Variants in COA8 observed in about 807,000 individuals in gnomAD.
COA8 encodes UPF0671 protein C14orf153.
A neutral mutation model predicts 22.0 loss-of-function variants in COA8; 20 were observed. The ratio of observed to expected loss-of-function variants is 0.91; its 90% confidence interval spans 0.64 to 1.32. The LOEUF (loss-of-function observed/expected upper bound fraction) is 1.32, where lower values mean the gene tolerates loss of function less well. Among genes scored for constraint, COA8 ranks in the 40% most tolerant of loss-of-function variants. The pLI, the probability that COA8 is intolerant of heterozygous loss-of-function variation, is 0.00. For missense variants in COA8, 266 were observed against 230.0 expected (o/e 1.16, Z -1.01); for synonymous variants, 105 against 79.9 (o/e 1.31, Z -1.68).
rs2076185305 is a variant in COA8 at position 103,571,630 on chromosome 14, G to T, written c.131G>T (p.Arg44Ile). 6.2e-7 allele frequency: 1 copy of T among 1,613,666 alleles called. No homozygotes were observed. The highest frequency in any genetic ancestry group is 8.5e-7 in the Non-Finnish European group (1 of 1,179,806). The change falls in exon 2 of 5, where the codon AGA (arginine) becomes ATA (isoleucine). Residue 44 changes from arginine (R) to isoleucine (I), a missense_variant. Arg to Ile is a moderately conservative substitution (Grantham distance 97, BLOSUM62 -3). Transcript: ENST00000409074. ...RRDTAPSGVS[R>I]FCPPRKSCHD... is the part of the protein sequence containing the mutation. ...CAATTTACTTTGTTAAAGGTCTCAA[G>T]ATTCTGCCCTCCAAGAAAGTCTTGC...
intron 1 of COA8, among the ~76,000 whole-genome samples, chr14:103,567,049 A>G (rs1158864660): frequency 3.9e-5 from 6 of 152,136 alleles, no homozygotes; most frequent in Admixed American, 2.0e-4. Context: ...CTGGGGCTAC[A>G]GGCATGTGCC....
chr14:103,576,625 C>T (rs2076232495), intron 3 of COA8, among the ~76,000 whole-genome samples: 1 of 152,200 alleles, frequency 6.6e-6, no homozygotes, highest in Non-Finnish European at 1.5e-5. Flanking sequence ...ATTTCTTCCT[C>T]ATGTTTAAAC....
intron 3 of COA8, among the ~76,000 whole-genome samples, chr14:103,585,707 C>T (rs1254736937): frequency 6.7e-6 from 1 of 148,926 alleles, no homozygotes; most frequent in African/African-American, 2.5e-5. Context: ...TCCCGAGTAA[C>T]TGGGACTACA....
At chr14:103,568,106 G>C (rs972920683) in intron 1 of COA8, among the ~76,000 whole-genome samples, 1 of 152,176 alleles carries the variant, frequency 6.6e-6, no homozygotes, top group Non-Finnish European at 1.5e-5. Context: ...AGAACTGAGA[G>C]TTAGAACAGG....
chr14:103,568,480 T>C (rs562899264), intron 1 of COA8, among the ~76,000 whole-genome samples: 3 of 151,814 alleles, frequency 2.0e-5, no homozygotes, highest in Non-Finnish European at 4.4e-5. Flanking sequence ...CACACACATA[T>C]ATACACACAT....
At chr14:103,589,603 AAAAAC>A (rs1187819559) in intron 4 of COA8, among the ~76,000 whole-genome samples, 3 of 151,762 alleles carry the variant, frequency 2.0e-5, no homozygotes, top group Admixed American at 1.3e-4. Flanking sequence ...AGCAAGATGA[AAAAAC>A]AAAACAAAAA....
chr14:103,566,454 A>G (rs2076135833), intron 1 of COA8, among the ~76,000 whole-genome samples: 1 of 152,190 alleles, frequency 6.6e-6, no homozygotes, highest in Non-Finnish European at 1.5e-5. Flanking sequence ...TTGCATATTG[A>G]TTTAAACAAG....
chr14:103,576,685 C>T (rs2076232824), intron 3 of COA8, among the ~76,000 whole-genome samples: 1 of 152,230 alleles, frequency 6.6e-6, no homozygotes, highest in African/African-American at 2.4e-5. Context: ...AACTGGCTTT[C>T]TCTGCCTCCT....
chr14:103,579,693 T>C (rs2076252960), intron 3 of COA8, among the ~76,000 whole-genome samples: 1 of 146,290 alleles, frequency 6.8e-6, no homozygotes, highest in South Asian at 2.5e-4. Context: ...CCGGGCACGG[T>C]GGCTCACGCC....
intron 3 of COA8, among the ~76,000 whole-genome samples, chr14:103,582,594 A>G (rs2076276335): frequency 6.6e-6 from 1 of 152,186 alleles, no homozygotes; most frequent in African/African-American, 2.4e-5. Context: ...GTTCCTCCGC[A>G]GAACCTGCAG....
chr14:103,587,246 T>C lies in COA8; in HGVS notation c.386-28T>C, dbSNP rs764085727. The C allele has an allele frequency of 2.5e-6, 4 of 1,592,506 alleles. No individual in the cohort carries two copies. In the East Asian group the frequency reaches 9.0e-5, roughly 36 times the overall value. ...TTGTTTATCCTTTCTCCTTAAGTCT[T>C]AATGTTTAAGCTGAAATTACCTTTC... On this transcript the variant is annotated intron_variant, in intron 3 of 4. Transcript: ENST00000409074.
chr14:103,568,621 G>GTATATATATATA lies in COA8; in HGVS notation c.124-2987_124-2976dup, dbSNP rs57741003. Among the ~76,000 whole-genome samples, 793 of 141,764 alleles carry GTATATATATATA rather than the reference G, an allele frequency of 5.6e-3. 11 individuals are homozygous for GTATATATATATA. The highest frequency in any genetic ancestry group is 0.02 in the African/African-American group (743 of 37,376). 93.0% of individuals were successfully genotyped at this position (141,764 alleles called of 152,430 possible). A position where few individuals can be genotyped will look rare whatever the true frequency, so the allele number is the denominator to read the frequency against. ...TATACGTATATATATATGTGTGTGT[G>GTATATATATATA]TATATATATATATATATATATATAT... On this transcript the variant is annotated intron_variant, in intron 1 of 4. Transcript: ENST00000409074.
In COA8 at chr14:103,590,446, T is replaced by C; in HGVS notation, c.*160T>C. On this transcript the variant is annotated 3_prime_UTR_variant, in exon 5 of 5. Transcript: ENST00000409074. Reference sequence around the variant, plus strand: ...GGGGGCAGGGTAGGTCCTGGGGCACTGTGGGCCGCCTGCCTGCTGATGTGG... The same window carrying C: ...GGGGGCAGGGTAGGTCCTGGGGCACCGTGGGCCGCCTGCCTGCTGATGTGG... 1.6e-6 allele frequency: 1 copy of C among 614,336 alleles called. No homozygotes were observed. Among genetic ancestry groups the C allele is most frequent in the Non-Finnish European group, 2.8e-6 (1 of 356,118 alleles). The allele number at this position is 614,336 out of a possible 1,614,324, so 38.1% of individuals were successfully genotyped here. A position where few individuals can be genotyped will look rare whatever the true frequency, so the allele number is the denominator to read the frequency against.
chr14:103,587,923 T>A lies in COA8; in HGVS notation c.476+559T>A, dbSNP rs190223304. 684 of 160,312 alleles carry A rather than the reference T, an allele frequency of 4.3e-3. 9 individuals carry two copies. The highest frequency in any genetic ancestry group is 5.9e-3 in the Non-Finnish European group (436 of 73,636). The allele number at this position is 160,312 out of a possible 1,614,324, so 9.9% of individuals were successfully genotyped here. Reference sequence around the variant, plus strand: ...ACTTTAGGAGGCCAAGGTGGGCAGATCACCTGAGGTCAGGAGTTCAAGACC... The same window carrying A: ...ACTTTAGGAGGCCAAGGTGGGCAGAACACCTGAGGTCAGGAGTTCAAGACC... On this transcript the variant is annotated intron_variant, in intron 4 of 4. Coordinates refer to ENST00000409074, the MANE Select transcript of COA8 (RefSeq NM_001370595.2).
At chr14:103,574,191 GTT>G in intron 3 of COA8, 21 bp downstream of exon 3, 1 of 1,492,854 alleles carries the variant, frequency 6.7e-7, no homozygotes, top group Non-Finnish European at 9.0e-7. Context: ...TTGTTTGATT[GTT>G]TTTTTTGCTT....
At chr14:103,580,126 G>A (rs1314328973) in intron 3 of COA8, among the ~76,000 whole-genome samples, 1 of 152,090 alleles carries the variant, frequency 6.6e-6, no homozygotes, top group African/African-American at 2.4e-5. Flanking sequence ...ACTCAGGCTG[G>A]AGTGCAGTGG....
intron 3 of COA8, among the ~76,000 whole-genome samples, chr14:103,578,024 C>CAAAAAA (rs780479034): frequency 1.8e-4 from 9 of 49,130 alleles, no homozygotes; most frequent in Non-Finnish European, 2.6e-4. Flanking sequence ...AACTCCATCT[C>CAAAAAA]AAAAAAAAAA....
chr14:103,575,991 C>A (rs2076227029), intron 3 of COA8, among the ~76,000 whole-genome samples: 1 of 151,642 alleles, frequency 6.6e-6, no homozygotes, highest in Non-Finnish European at 1.5e-5. Context: ...GCGTGAGCCA[C>A]TGTGCCTGGC....
chr14:103,571,794 G>A lies in COA8; in HGVS notation c.295G>A (p.Ala99Thr). 6.2e-7 allele frequency: 1 copy of A among 1,613,980 alleles called. No individual in the cohort carries two copies. The highest frequency in any genetic ancestry group is 2.2e-5 in the East Asian group (1 of 44,878). ...ETQEWNQQFW[A>T]NQNLTFSKEK... is the part of the protein sequence containing the mutation. ...ACAAGAATGGAATCAACAGTTCTGG[G>A]CAAACCAGAATTTGACTTTTAGTAA... Residue 99 changes from alanine (A) to threonine (T), a missense_variant, in exon 2 of 5, where the codon GCA becomes ACA. Coordinates refer to ENST00000409074, the MANE Select transcript of COA8 (RefSeq NM_001370595.2).
Sources: gnomAD v4.1 joint callset for allele counts (sites outside exome capture counted in the v4.1 genomes callset) on GRCh38, gnomAD v4.1.1 for gene constraint, MANE v1.5 for transcripts, NCBI Gene and HGNC (gene_info 2026-07-23, HGNC 2026-07-21) for gene names.